Variants in SNAI1 observed in about 807,000 individuals in gnomAD.
SNAI1 encodes the protein zinc finger protein SNAI1.
Under a neutral mutation model 24.7 loss-of-function variants are expected in SNAI1, and 15 were observed. The ratio of observed to expected loss-of-function variants is 0.61; its 90% confidence interval spans 0.41 to 0.93. SNAI1 has a LOEUF of 0.93. SNAI1 is among the 40% of genes least tolerant of loss of function. The pLI is 0.00. For synonymous variants in SNAI1, 163 were observed against 142.9 expected (o/e 1.14, Z -1.00); for missense variants, 283 against 336.7 (o/e 0.84, Z 1.25).
rs529375612 is a variant in SNAI1 at position 49,988,154 on chromosome 20, A to G, written c.*98A>G. On this transcript the variant is annotated 3_prime_UTR_variant, in exon 3 of 3. Transcript: ENST00000244050. ...CCCACATCCTTCTCACTGCCATGGA[A>G]TTCCCTCCTGAGTGCCCCACTTCTG... 34 of 1,126,292 alleles carry G rather than the reference A, an allele frequency of 3.0e-5. No homozygotes were observed. The highest frequency in any genetic ancestry group is 3.5e-5 in the Non-Finnish European group (28 of 795,510). 69.8% of individuals were successfully genotyped at this position (1,126,292 alleles called of 1,614,324 possible).
Position 49,983,064 on chromosome 20 carries a change from C to G in SNAI1, c.5C>G (p.Pro2Arg). Residue 2 changes from proline to arginine, a missense_variant, in exon 1 of 3, where the codon CCG (proline) becomes CGG (arginine). Coordinates refer to ENST00000244050, the MANE Select transcript of SNAI1 (RefSeq NM_005985.4). ...GACCCCAGTGCCTCGACCACTATGC[C>G]GCGCTCTTTCCTCGTCAGGAAGCCC... M[P>R]RSFLVRKPSD... 6.2e-7 allele frequency: 1 copy of G among 1,613,362 alleles called. No individual in the cohort carries two copies. Among genetic ancestry groups the G allele is most frequent in the East Asian group, 2.2e-5 (1 of 44,810 alleles).
At position 49,988,057 on chromosome 20, in the gene SNAI1, C is replaced by A; in HGVS notation, c.*1C>A. The stretch of plus-strand genomic sequence containing the variant: ...CGGCTGCTCAGGATGTCCCCGCTGA[C>A]CCTCGAGGCTCCCTCTTCCTCTCCA... On this transcript the variant is annotated 3_prime_UTR_variant, in exon 3 of 3. Transcript: ENST00000244050. The A allele has an allele frequency of 1.3e-6, 2 of 1,586,568 alleles. No homozygotes were observed. Among genetic ancestry groups the A allele is most frequent in the South Asian group, 1.2e-5 (1 of 86,340 alleles).
rs759292518 is a variant in SNAI1, at chr20:49,988,070, C to T, written c.*14C>T. ...TGTCCCCGCTGACCCTCGAGGCTCC[C>T]TCTTCCTCTCCATACCTGCCCCTGC... On this transcript the variant is annotated 3_prime_UTR_variant, in exon 3 of 3. Transcript: ENST00000244050. 6.3e-7 allele frequency: 1 copy of T among 1,575,244 alleles called. No homozygotes were observed. The highest frequency in any genetic ancestry group is 8.6e-7 in the Non-Finnish European group (1 of 1,157,436).
rs376908483 is a variant in SNAI1, at chr20:49,987,859, G to A, written c.611-13G>A. On this transcript the variant is annotated splice_polypyrimidine_tract_variant and intron_variant, in intron 2 of 2. Coordinates refer to ENST00000244050, the MANE Select transcript of SNAI1 (RefSeq NM_005985.4). ...CCACGGCTCACTCGGCCTTTCTGGC[G>A]TTCTCTCCCCAGGCGAGAAGCCCTT... 1.7e-4 allele frequency: 269 copies of A among 1,613,160 alleles called. No homozygotes were observed. In the South Asian group the frequency reaches 2.1e-3, roughly 12 times the overall value.
chr20:49,987,048 G>A (rs1568931469), intron 2 of SNAI1, among the ~76,000 whole-genome samples: 1 of 152,230 alleles, frequency 6.6e-6, no homozygotes, highest in Non-Finnish European at 1.5e-5. Flanking sequence ...CCAGGCAGAT[G>A]GTGTGTCAGG....
rs370954430 is a variant in SNAI1, at chr20:49,984,133, G to A, written c.392G>A (p.Gly131Asp). Residue 131 changes from glycine (G) to aspartate (D), a missense_variant, in exon 2 of 3, where the codon GGC (glycine) becomes GAC (aspartate). Coordinates refer to ENST00000244050, the MANE Select transcript of SNAI1 (RefSeq NM_005985.4). ...GCCGAGGCCTATGCTGCCTTCCCAG[G>A]CTTGGGCCAAGTGCCCAAGCAGCTG... ...LEAEAYAAFP[G>D]LGQVPKQLAQ... 2.5e-6 allele frequency: 4 copies of A among 1,614,064 alleles called. No individual in the cohort carries two copies. In the African/African-American group the frequency reaches 5.3e-5, roughly 22 times the overall value.
intron 1 of SNAI1, among the ~76,000 whole-genome samples, chr20:49,983,533 G>A (rs1343531288): frequency 6.6e-6 from 1 of 151,568 alleles, no homozygotes; most frequent in Non-Finnish European, 1.5e-5. Context: ...GGGGCAGGGT[G>A]GTGGCTCCGG....
rs544515729 is a variant in SNAI1 at position 49,984,288 on chromosome 20, G to A, written c.547G>A (p.Gly183Arg). ...IRSHTLPCVCGTCGKAFSRPW... is the reference protein window; with the variant it reads ...IRSHTLPCVCRTCGKAFSRPW... ...AAGCCACACGCTGCCCTGCGTCTGC[G>A]GAACCTGCGGGAAGGCCTTCTCTAG... Residue 183 changes from glycine (G) to arginine (R), a missense_variant, in exon 2 of 3, where the codon GGA becomes AGA. By Grantham distance (125) the Gly-to-Arg change is moderately radical. Coordinates refer to ENST00000244050, the MANE Select transcript of SNAI1 (RefSeq NM_005985.4). The A allele has an allele frequency of 9.9e-6, 16 of 1,613,532 alleles. No homozygotes were observed. Among genetic ancestry groups the A allele is most frequent in the African/African-American group, 4.0e-5 (3 of 75,042 alleles).
chr20:49,983,882 G>A lies in SNAI1; in HGVS notation c.141G>A (p.Pro47=), dbSNP rs746095328. Residue 47 remains proline, a synonymous_variant, in exon 2 of 3, where the codon CCG becomes CCA. Coordinates refer to ENST00000244050, the MANE Select transcript of SNAI1 (RefSeq NM_005985.4). Reference sequence around the variant, plus strand: ...ACCTGCTGGCAGCCATCCCACCTCCGGAGATCCTCAACCCCACCGCCTCGC... The same window carrying A: ...ACCTGCTGGCAGCCATCCCACCTCCAGAGATCCTCAACCCCACCGCCTCGC... ...QAHLLAAIPP[P]EILNPTASLP... is the part of the protein sequence containing the mutation. 2.9e-5 allele frequency: 46 copies of A among 1,612,296 alleles called. No individual in the cohort carries two copies. Among genetic ancestry groups the A allele is most frequent in the South Asian group, 9.9e-5 (9 of 91,010 alleles).
At chr20:49,985,467 A>C (rs766679704) in intron 2 of SNAI1, among the ~76,000 whole-genome samples, 4 of 152,254 alleles carry the variant, frequency 2.6e-5, no homozygotes, top group Non-Finnish European at 4.4e-5. Context: ...TTAACATGTA[A>C]AGGTCCAACT....
Position 49,984,328 on chromosome 20 carries a change from A to G in SNAI1, c.587A>G (p.Gln196Arg). The G allele has an allele frequency of 6.2e-7, 1 of 1,608,072 alleles. No homozygotes were observed. Among genetic ancestry groups the G allele is most frequent in the Non-Finnish European group, 8.5e-7 (1 of 1,177,668 alleles). Residue 196 changes from glutamine to arginine, a missense_variant, in exon 2 of 3, where the codon CAA becomes CGA. By Grantham distance (43) the Gln-to-Arg change is conservative (BLOSUM62 1). Coordinates refer to ENST00000244050, the MANE Select transcript of SNAI1 (RefSeq NM_005985.4). ...GKAFSRPWLL[Q>R]GHVRTHTGEK... is the part of the protein sequence containing the mutation. Reference sequence around the variant, plus strand: ...GCCTTCTCTAGGCCCTGGCTGCTACAAGGCCATGTCCGGACCCACACTGGT... The same window carrying G: ...GCCTTCTCTAGGCCCTGGCTGCTACGAGGCCATGTCCGGACCCACACTGGT...
At chr20:49,987,667 G>A (rs1473081401) in intron 2 of SNAI1, among the ~76,000 whole-genome samples, 4 of 152,212 alleles carry the variant, frequency 2.6e-5, no homozygotes, top group African/African-American at 4.8e-5. Context: ...AGAGAAGCCA[G>A]ACAACTTGCT....
chr20:49,983,116 C>T lies in SNAI1; in HGVS notation c.57C>T (p.Tyr19=), dbSNP rs775316213. Residue 19 remains tyrosine, a synonymous_variant, in exon 1 of 3, where the codon TAC becomes TAT. Transcript: ENST00000244050. ...CCGACCCCAATCGGAAGCCTAACTA[C>T]AGCGAGCTGCAGGACTCTAATCCAG... ...KPSDPNRKPN[Y]SELQDSNPEF... 14 of 1,613,724 alleles carry T rather than the reference C, an allele frequency of 8.7e-6. No individual in the cohort carries two copies. The highest frequency in any genetic ancestry group is 2.2e-5 in the South Asian group (2 of 91,052).
intron 2 of SNAI1, 119 bp from the exon 3 acceptor site, chr20:49,987,730 CCCTGGCTGTGTGTTTGACGGAGG>C (rs2078338405): frequency 4.0e-6 from 3 of 746,442 alleles, no homozygotes; most frequent in African/African-American, 3.5e-5. Flanking sequence ...GGCCTTTGGA[CCCTGGCTGTGTGTTTGACGGAGG>C]CCTGGCTTTC....
At chr20:49,986,397 TC>T (rs1197923254) in intron 2 of SNAI1, among the ~76,000 whole-genome samples, 1 of 151,994 alleles carries the variant, frequency 6.6e-6, no homozygotes, top group Non-Finnish European at 1.5e-5. Flanking sequence ...ATTGGAGCCA[TC>T]CTCTGGACTC....
At chr20:49,985,627 T>A (rs1419989754) in intron 2 of SNAI1, among the ~76,000 whole-genome samples, 1 of 151,974 alleles carries the variant, frequency 6.6e-6, no homozygotes, top group African/African-American at 2.4e-5. Flanking sequence ...GAAATCCCCT[T>A]GAAATGTATC....
chr20:49,986,356 T>C (rs1483129802), intron 2 of SNAI1, among the ~76,000 whole-genome samples: 2 of 151,908 alleles, frequency 1.3e-5, no homozygotes, highest in East Asian at 3.9e-4. Context: ...TCTCAGGCGC[T>C]CCATAAGTCC....
At chr20:49,986,612 CA>C (rs1238410391) in intron 2 of SNAI1, among the ~76,000 whole-genome samples, 2 of 151,864 alleles carry the variant, frequency 1.3e-5, no homozygotes, top group Non-Finnish European at 2.9e-5. Flanking sequence ...TAGTGTCTAG[CA>C]CTTAGTAGGA....
Position 49,983,810 on chromosome 20 carries a change from T to G in SNAI1, c.83-14T>G. 1 of 1,563,260 alleles carries G rather than the reference T, an allele frequency of 6.4e-7. No individual in the cohort carries two copies. The highest frequency in any genetic ancestry group is 8.7e-7 in the Non-Finnish European group (1 of 1,155,650). On this transcript the variant is annotated splice_polypyrimidine_tract_variant and intron_variant, in intron 1 of 2. Coordinates refer to ENST00000244050, the MANE Select transcript of SNAI1 (RefSeq NM_005985.4). ...TGATTTAATTAACGCCTGACTCTGCTTTTTCTCCCTCAGAGTTTACCTTCC... is the reference window on the plus strand; with the variant it reads ...TGATTTAATTAACGCCTGACTCTGCGTTTTCTCCCTCAGAGTTTACCTTCC...
Sources: allele counts gnomAD v4.1 joint callset (sites outside exome capture counted in the v4.1 genomes callset), GRCh38; gene constraint gnomAD v4.1.1; transcripts MANE v1.5; gene names NCBI Gene and HGNC (gene_info 2026-07-23, HGNC 2026-07-21).